Variants in MAGI1 observed in about 807,000 individuals in gnomAD.
MAGI1 encodes membrane-associated guanylate kinase, WW and PDZ domain-containing protein 1.
In MAGI1, 58 loss-of-function variants were observed where a neutral mutation model predicts 139.9. The ratio of observed to expected loss-of-function variants is 0.41; its 90% CI spans 0.34 to 0.52. MAGI1 has a LOEUF of 0.52. Ranked by LOEUF, MAGI1 falls within the 20% of genes least tolerant of loss-of-function variation. The pLI, the probability that MAGI1 is intolerant of heterozygous loss-of-function variation, is 0.12. For synonymous variants in MAGI1, 812 were observed against 737.9 expected (o/e 1.10, Z -1.63); for missense variants, 1,874 against 1,901.6 (o/e 0.99, Z 0.27).
At chr3:65,778,599 T>C (rs1209421675) in intron 1 of MAGI1, among the ~76,000 whole-genome samples, 2 of 152,058 alleles carry the variant, frequency 1.3e-5, no homozygotes, top group Non-Finnish European at 2.9e-5. Context: ...ATGACTTCAA[T>C]TGCACAGGTG....
intron 1 of MAGI1, among the ~76,000 whole-genome samples, chr3:65,755,171 C>T (rs2036466710): frequency 1.3e-5 from 2 of 152,104 alleles, no homozygotes; most frequent in African/African-American, 4.8e-5. Context: ...TGGTCTCAAA[C>T]TGCTGACCTC....
intron 1 of MAGI1, among the ~76,000 whole-genome samples, chr3:65,776,708 C>T (rs2038468566): frequency 6.6e-6 from 1 of 152,200 alleles, no homozygotes; most frequent in Non-Finnish European, 1.5e-5. Flanking sequence ...CCGCAACACA[C>T]ACACAGAATA....
intron 1 of MAGI1, among the ~76,000 whole-genome samples, chr3:65,963,632 T>A (rs1267714509): frequency 6.6e-6 from 1 of 152,082 alleles, no homozygotes; most frequent in Non-Finnish European, 1.5e-5. Context: ...AATAAATAAA[T>A]AAAAATAATG....
chr3:65,986,957 A>G (rs1289532912), intron 1 of MAGI1, among the ~76,000 whole-genome samples: 1 of 147,818 alleles, frequency 6.8e-6, no homozygotes, highest in Non-Finnish European at 1.5e-5. Flanking sequence ...TGTAACCTCC[A>G]CTTCCCAGGT....
chr3:65,880,913 G>A (rs2060301036), intron 1 of MAGI1, among the ~76,000 whole-genome samples: 1 of 151,658 alleles, frequency 6.6e-6, no homozygotes, highest in African/African-American at 2.4e-5. Flanking sequence ...TCTGGCGTGT[G>A]TGTGTGTGTG....
intron 1 of MAGI1, among the ~76,000 whole-genome samples, chr3:65,690,432 C>T (rs1453312078): frequency 6.6e-6 from 1 of 152,030 alleles, no homozygotes; most frequent in Non-Finnish European, 1.5e-5. Context: ...TTAAAAACTG[C>T]TGAATTTTTT....
chr3:65,611,289 A>G (rs982974933), intron 2 of MAGI1, among the ~76,000 whole-genome samples: 4 of 141,946 alleles, frequency 2.8e-5, no homozygotes, highest in African/African-American at 1.0e-4. Context: ...AGTATAGTAT[A>G]CTATGTGTAT....
At position 65,361,181 on chromosome 3, in the gene MAGI1, T is replaced by C; in HGVS notation, c.3634+18A>G. ...GTCATGCCAGGGAAGGAAGGAATGTTTTCATAGTTTGACCCACCATATTCT... is the reference window on the plus strand; with the variant it reads ...GTCATGCCAGGGAAGGAAGGAATGTCTTCATAGTTTGACCCACCATATTCT... On this transcript the variant is annotated intron_variant, in intron 22 of 22. Transcript: ENST00000402939. The C allele has an allele frequency of 6.2e-7, 1 of 1,614,134 alleles. No homozygotes were observed.
At chr3:65,773,553 T>TG (rs556371159) in intron 1 of MAGI1, among the ~76,000 whole-genome samples, 81 of 150,516 alleles carry the variant, frequency 5.4e-4, no homozygotes, top group Non-Finnish European at 1.1e-3. Context: ...CAAAAAAGAG[T>TG]GGGGGTGGGA....
intron 5 of MAGI1, among the ~76,000 whole-genome samples, chr3:65,465,190 C>T (rs1048606244): frequency 6.6e-6 from 1 of 151,210 alleles, no homozygotes; most frequent in Non-Finnish European, 1.5e-5. Context: ...CTTCAACACT[C>T]AAACCTAATT....
chr3:66,026,464 T>C (rs1389603493), intron 1 of MAGI1, among the ~76,000 whole-genome samples: 1 of 152,042 alleles, frequency 6.6e-6, no homozygotes, highest in Non-Finnish European at 1.5e-5. Context: ...AATTTTTTTT[T>C]TAATTTTGCC....
At chr3:65,794,463 C>T (rs2039990362) in intron 1 of MAGI1, among the ~76,000 whole-genome samples, 4 of 152,158 alleles carry the variant, frequency 2.6e-5, no homozygotes, top group Admixed American at 2.6e-4. Context: ...AGCCCCCACC[C>T]ATAACGCAGC....
At chr3:65,442,405 C>G (rs1948406015) in intron 8 of MAGI1, among the ~76,000 whole-genome samples, 1 of 152,012 alleles carries the variant, frequency 6.6e-6, no homozygotes, top group Admixed American at 6.6e-5. Flanking sequence ...CTGGGTAGAG[C>G]AAAAAGTAGA....
intron 12 of MAGI1, among the ~76,000 whole-genome samples, chr3:65,416,655 A>G (rs998713864): frequency 6.6e-6 from 1 of 152,160 alleles, no homozygotes; most frequent in African/African-American, 2.4e-5. Context: ...GAACATTAGA[A>G]ATGCAAAAAG....
intron 2 of MAGI1, among the ~76,000 whole-genome samples, chr3:65,599,152 C>G (rs1259754066): frequency 1.3e-5 from 2 of 152,042 alleles, no homozygotes; most frequent in Non-Finnish European, 2.9e-5. Flanking sequence ...GGAAAGGAAG[C>G]AAGGGCATAC....
chr3:65,649,136 T>G lies in MAGI1; in HGVS notation c.314-27048A>C, dbSNP rs113880264. On this transcript the variant is annotated intron_variant, in intron 1 of 22. Transcript: ENST00000402939. ...CACCTGTAATCCCAGCAACTTGGGA[T>G]GCTGAGGCAGAAGGATCACTTCAGG... Among the ~76,000 whole-genome samples the G allele has an allele frequency of 9.8e-3, 1,484 of 152,176 alleles. 32 individuals carry two copies. Among genetic ancestry groups the G allele is most frequent in the African/African-American group, 0.034 (1,400 of 41,546 alleles).
At chr3:65,387,953 T>C (rs1290813136) in intron 14 of MAGI1, among the ~76,000 whole-genome samples, 2 of 152,238 alleles carry the variant, frequency 1.3e-5, no homozygotes, top group East Asian at 3.8e-4. Flanking sequence ...GTTTCAACTA[T>C]AAGCCTTATA....
intron 2 of MAGI1, among the ~76,000 whole-genome samples, chr3:65,574,112 C>CTATTATATTTTTTTTTATATATTATAAA (rs2081076100): frequency 6.6e-6 from 1 of 151,862 alleles, no homozygotes; most frequent in African/African-American, 2.4e-5. Flanking sequence ...AATACAAGAT[C>CTATTATATTTTTTTTTATATATTATAAA]AATATATAAA....
chr3:65,505,924 G>A (rs571397098), intron 2 of MAGI1, among the ~76,000 whole-genome samples: 4 of 152,202 alleles, frequency 2.6e-5, no homozygotes, highest in African/African-American at 4.8e-5. Flanking sequence ...CTGAGGCATT[G>A]TTACATTTCC....
Sources: gnomAD v4.1 joint callset for allele counts (sites outside exome capture counted in the v4.1 genomes callset) on GRCh38, gnomAD v4.1.1 for gene constraint, MANE v1.5 for transcripts, NCBI Gene and HGNC (gene_info 2026-07-23, HGNC 2026-07-21) for gene names.